LARP4B: variants seen among roughly 807,000 people sequenced by gnomAD.
The protein encoded by LARP4B is la-related protein 4B.
In LARP4B, 12 loss-of-function variants were observed where a neutral mutation model predicts 89.8. The ratio of observed to expected loss-of-function variants is 0.13; its 90% confidence interval spans 0.09 to 0.22. LARP4B has a LOEUF of 0.22. Among genes scored for constraint, LARP4B ranks in the 10% least tolerant of loss-of-function variants. LARP4B has a pLI of 1.00. For missense variants in LARP4B, 757 were observed against 947.7 expected, an observed-to-expected ratio of 0.80 and a Z score of 2.64; for synonymous variants, 367 against 363.3, an observed-to-expected ratio of 1.01 and a Z score of -0.12.
the LARP4B span, among the ~76,000 whole-genome samples, chr10:966,056 TTGTG>T: frequency 2.0e-3 from 263 of 128,302 alleles, 2 homozygotes; most frequent in African/African-American, 5.8e-3. Flanking sequence ...TGTGTGGGTT[TTGTG>T]TGTGTGTGTG....
At chr10:821,045 T>A in intron 13 of LARP4B, 200 bp from the exon 14 acceptor site, 1 of 577,540 alleles carries the variant, frequency 1.7e-6, no homozygotes, top group Non-Finnish European at 3.1e-6. Context: ...AGCAAGGGAC[T>A]AACGTGGAAG....
chr10:826,272 T>C (rs978214716), intron 11 of LARP4B, among the ~76,000 whole-genome samples: 1 of 152,214 alleles, frequency 6.6e-6, no homozygotes, highest in Admixed American at 6.5e-5. Flanking sequence ...TTCTCAATCT[T>C]AGGAGCACCT....
chr10:834,861 T>C (rs904209537), intron 8 of LARP4B, among the ~76,000 whole-genome samples: 2 of 152,060 alleles, frequency 1.3e-5, no homozygotes, highest in African/African-American at 4.8e-5. Context: ...AGAAATATGC[T>C]GGTCCTCGGC....
At chr10:940,547 AG>A in the LARP4B span, among the ~76,000 whole-genome samples, 1 of 152,250 alleles carries the variant, frequency 6.6e-6, no homozygotes, top group African/African-American at 2.4e-5. Context: ...GCGCCTGCCC[AG>A]AGGAGGCCCC....
At chr10:976,047 G>A in the LARP4B span, among the ~76,000 whole-genome samples, 7 of 75,952 alleles carry the variant, frequency 9.2e-5, 1 homozygote, top group East Asian at 3.7e-3. Flanking sequence ...GTGTGGACCC[G>A]GCCTAGTAGA....
At chr10:914,031 TTAAC>T (rs1488673163) in intron 1 of LARP4B, among the ~76,000 whole-genome samples, 1 of 152,212 alleles carries the variant, frequency 6.6e-6, no homozygotes. Context: ...GTTATGTTAA[TTAAC>T]AGGTAATCAT....
At chr10:947,994 G>A in the LARP4B span, among the ~76,000 whole-genome samples, 1 of 152,020 alleles carries the variant, frequency 6.6e-6, no homozygotes, top group Non-Finnish European at 1.5e-5. Context: ...ACTGCTGGCA[G>A]TGTGATAGTG....
chr10:849,866 C>T (rs570738898), intron 5 of LARP4B, among the ~76,000 whole-genome samples: 1 of 152,280 alleles, frequency 6.6e-6, no homozygotes, highest in East Asian at 1.9e-4. Flanking sequence ...AATGTTGTTA[C>T]AAAATACTTG....
intron 12 of LARP4B, 52 bp downstream of exon 12, chr10:825,712 G>C: frequency 8.2e-7 from 1 of 1,221,334 alleles, no homozygotes; most frequent in Non-Finnish European, 1.2e-6. Context: ...TCCCAACTCC[G>C]GAAGGGCAGT....
At chr10:932,679 A>C (rs952854336), upstream of LARP4B, among the ~76,000 whole-genome samples, 229 of 36,176 alleles carry the variant, frequency 6.3e-3, no homozygotes, top group South Asian at 9.1e-3. Flanking sequence ...AGGCCCCGGC[A>C]CTGCCCCGAA....
intron 1 of LARP4B, among the ~76,000 whole-genome samples, chr10:905,501 C>T (rs145566095): frequency 1.5e-4 from 23 of 152,242 alleles, no homozygotes; most frequent in African/African-American, 5.3e-4. Context: ...AACACTTGAC[C>T]GAAGTCAGGA....
At chr10:823,585 C>T (rs145834515) in intron 13 of LARP4B, among the ~76,000 whole-genome samples, 2 of 151,522 alleles carry the variant, frequency 1.3e-5, no homozygotes, top group African/African-American at 4.8e-5. Flanking sequence ...GCACAGGAGG[C>T]TGAGGCCGGG....
intron 3 of LARP4B, among the ~76,000 whole-genome samples, chr10:877,274 G>C (rs1260699199): frequency 6.6e-6 from 1 of 152,156 alleles, no homozygotes; most frequent in Non-Finnish European, 1.5e-5. Flanking sequence ...CCAGCTACTT[G>C]GGAGGCTGAG....
chr10:808,314 A>C (rs1452372399), downstream of LARP4B: 1 of 152,366 alleles, frequency 6.6e-6, no homozygotes, highest in South Asian at 2.1e-4. Context: ...GAGTTAATAC[A>C]CATTTACCGA....
intron 1 of LARP4B, among the ~76,000 whole-genome samples, chr10:896,304 C>T (rs903917293): frequency 1.3e-5 from 2 of 152,314 alleles, no homozygotes; most frequent in South Asian, 4.2e-4. Context: ...CCTCACAAAA[C>T]CACAGTGGAG....
intron 17 of LARP4B, among the ~76,000 whole-genome samples, chr10:813,963 A>C (rs1390486431): frequency 6.6e-6 from 1 of 151,972 alleles, no homozygotes; most frequent in Non-Finnish European, 1.5e-5. Flanking sequence ...CACCAAACCC[A>C]GCTAATTTTT....
rs753754373 is a variant in LARP4B at position 813,116 on chromosome 10, G to C, written c.2027C>G (p.Thr676Ser). Reference protein sequence around the residue: ...LQPQKEQKPNTVGCGKEEKKL... With the variant: ...LQPQKEQKPNSVGCGKEEKKL... ...CTTTTCCTCCTTCCCACAACCAACA[G>C]TGTTTGGCTTTTGTTCTTTTTGGGG... is the stretch of plus-strand genomic sequence containing the variant. Residue 676 changes from threonine to serine, a missense_variant, in exon 18 of 18, where the codon ACT becomes AGT. Thr to Ser is a moderately conservative substitution (Grantham distance 58). Coordinates refer to ENST00000316157, the MANE Select transcript of LARP4B (RefSeq NM_015155.3). The C allele has an allele frequency of 1.3e-5, 21 of 1,614,174 alleles. No individual in the cohort carries two copies. Among genetic ancestry groups the C allele is most frequent in the Non-Finnish European group, 1.7e-5 (20 of 1,180,032 alleles).
At chr10:847,974 G>C (rs1255883749) in intron 5 of LARP4B, among the ~76,000 whole-genome samples, 2 of 152,216 alleles carry the variant, frequency 1.3e-5, no homozygotes, top group African/African-American at 4.8e-5. Context: ...AGATAGGGAG[G>C]CTGATTGCAT....
upstream of LARP4B, among the ~76,000 whole-genome samples, chr10:935,825 T>C (rs1346491592): frequency 6.6e-6 from 1 of 150,490 alleles, no homozygotes; most frequent in Non-Finnish European, 1.5e-5. Flanking sequence ...TTCAAGTGAT[T>C]CTCCTGCCTC....
Sources: gnomAD v4.1 joint callset for allele counts (sites outside exome capture counted in the v4.1 genomes callset) on GRCh38, gnomAD v4.1.1 for gene constraint, MANE v1.5 for transcripts, NCBI Gene and HGNC (gene_info 2026-07-23, HGNC 2026-07-21) for gene names.